Variants in NRN1 observed in about 807,000 individuals in gnomAD.
NRN1 encodes neuritin.
A neutral mutation model predicts 15.0 loss-of-function variants in NRN1; 4 were observed. That is an observed-to-expected ratio of 0.27 (90% confidence interval 0.13 to 0.61). The LOEUF (loss-of-function observed/expected upper bound fraction) is 0.61, where lower values mean the gene tolerates loss of function less well. Ranked by LOEUF, NRN1 falls within the 20% of genes least tolerant of loss-of-function variation. The probability of loss-of-function intolerance (pLI) is 0.87; values close to 1 mark genes in which losing one functional copy is unlikely to be tolerated. For missense variants in NRN1, 134 were observed against 181.9 expected (o/e 0.74, Z 1.51); for synonymous variants, 85 against 79.8 (o/e 1.07, Z -0.35).
rs1238464019 is a variant in NRN1, at chr6:6,002,412, G to A, written c.141C>T (p.Asp47=). 2 of 1,614,118 alleles carry A rather than the reference G, an allele frequency of 1.2e-6. No individual in the cohort carries two copies. The highest frequency in any genetic ancestry group is 1.3e-5 in the African/African-American group (1 of 74,948). ...GGCCCTGCGGGTAGTTGGCCATGCT[G>A]TCGCCCAGCTTGAGCAAACAGTCCG... The part of the protein sequence containing the change: ...GFSDCLLKLG[D]SMANYPQGLD... The change falls in exon 2 of 3, where the codon GAC becomes GAT. Residue 47 remains aspartate, a synonymous_variant. Coordinates refer to ENST00000244766, the MANE Select transcript of NRN1 (RefSeq NM_016588.3).
In NRN1 at chr6:6,006,733, T is replaced by C; in HGVS notation, c.17A>G (p.Asn6Ser). Residue 6 changes from asparagine (N) to serine (S), a missense_variant, in exon 1 of 3, where the codon AAC (asparagine) becomes AGC (serine). By Grantham distance (46) the Asn-to-Ser change is conservative. Coordinates refer to ENST00000244766, the MANE Select transcript of NRN1 (RefSeq NM_016588.3). MGLKL[N>S]GRYISLILAV... Reference sequence around the variant, plus strand: ...GAGGATCAGTGAAATATATCTGCCGTTCAACTTAAGTCCCATCCTACGTTT... The same window carrying C: ...GAGGATCAGTGAAATATATCTGCCGCTCAACTTAAGTCCCATCCTACGTTT... 1 of 1,614,100 alleles carries C rather than the reference T, an allele frequency of 6.2e-7. No individual in the cohort carries two copies. The highest frequency in any genetic ancestry group is 8.5e-7 in the Non-Finnish European group (1 of 1,179,976).
chr6:6,003,138 G>T, intron 1 of NRN1: 2 of 1,168,092 alleles, frequency 1.7e-6, no homozygotes, highest in Non-Finnish European at 2.2e-6. Context: ...TTACCGAAAT[G>T]GATTGTTTCA....
chr6:6,003,649 C>T, intron 1 of NRN1: 3 of 1,165,124 alleles, frequency 2.6e-6, no homozygotes, highest in Non-Finnish European at 3.2e-6. Flanking sequence ...AGCCCCCAAG[C>T]CCCCGGCCTC....
Position 6,002,196 on chromosome 6 carries a change from T to A in NRN1, c.200+157A>T, listed in dbSNP as rs530474105. Among the ~76,000 whole-genome samples, 63 of 152,330 alleles carry A rather than the reference T, an allele frequency of 4.1e-4. No homozygotes were observed. The East Asian group carries it at 0.012, about 28-fold the overall frequency. ...AAGCGCAGGTTCTAACCCGGGGGCC[T>A]GGTCCTAGGCCTGGGGGTTGGAGCC... On this transcript the variant is annotated intron_variant, in intron 2 of 2. Transcript: ENST00000244766.
upstream of NRN1, among the ~76,000 whole-genome samples, chr6:6,007,143 C>G (rs1276822781): frequency 6.6e-6 from 1 of 152,066 alleles, no homozygotes; most frequent in Non-Finnish European, 1.5e-5. Context: ...TCAGATATCT[C>G]CAATTAATGT....
At chr6:6,000,796 G>T (rs928706789) in intron 2 of NRN1, among the ~76,000 whole-genome samples, 3 of 138,260 alleles carry the variant, frequency 2.2e-5, no homozygotes, top group Non-Finnish European at 4.6e-5. Flanking sequence ...GGTAGAGAAG[G>T]ATAGACTCCA....
At chr6:6,005,219 A>G (rs1314185825) in intron 1 of NRN1, among the ~76,000 whole-genome samples, 1 of 152,136 alleles carries the variant, frequency 6.6e-6, no homozygotes. Context: ...CTATCTCAAA[A>G]ACAACTCTCT....
At chr6:6,005,365 C>A (rs1400992238) in intron 1 of NRN1, among the ~76,000 whole-genome samples, 1 of 152,166 alleles carries the variant, frequency 6.6e-6, no homozygotes, top group African/African-American at 2.4e-5. Flanking sequence ...TCAAAACAAC[C>A]AGATTTAAAG....
chr6:6,006,613 C>G (rs1758116434), intron 1 of NRN1, 82 bp downstream of exon 1: 2 of 1,393,384 alleles, frequency 1.4e-6, no homozygotes, highest in East Asian at 4.6e-5. Context: ...CGGCCGCGGA[C>G]CCGCTAGTCC....
At chr6:6,002,231 G>C in intron 2 of NRN1, 122 bp downstream of exon 2, 1 of 1,290,420 alleles carries the variant, frequency 7.7e-7, no homozygotes. Flanking sequence ...CAGAAGGCAA[G>C]AGTGAGCCGA....
At chr6:6,006,596 C>G in intron 1 of NRN1, 99 bp downstream of exon 1, 2 of 1,155,840 alleles carry the variant, frequency 1.7e-6, no homozygotes, top group Non-Finnish European at 1.3e-6. Flanking sequence ...TTCTCCGCAC[C>G]CTGGGGCGGC....
At chr6:5,999,420 T>G (rs913114449) in intron 2 of NRN1, among the ~76,000 whole-genome samples, 1 of 151,780 alleles carries the variant, frequency 6.6e-6, no homozygotes, top group Non-Finnish European at 1.5e-5. Flanking sequence ...AAAGCGGGGG[T>G]GGGGGGGCGC....
At chr6:6,003,675 C>T in intron 1 of NRN1, 2 of 1,231,756 alleles carry the variant, frequency 1.6e-6, no homozygotes, top group Non-Finnish European at 2.0e-6. Flanking sequence ...GGCCAAACCC[C>T]GAGGCGCGGG....
intron 1 of NRN1, chr6:6,002,698 T>A: frequency 1.4e-6 from 1 of 696,380 alleles, no homozygotes; most frequent in Non-Finnish European, 2.3e-6. Flanking sequence ...ACGCTGCGTC[T>A]AGTGCAAATT....
chr6:6,006,610 G>A, intron 1 of NRN1, 85 bp downstream of exon 1: 2 of 1,360,238 alleles, frequency 1.5e-6, no homozygotes, highest in Non-Finnish European at 2.1e-6. Flanking sequence ...GGGCGGCCGC[G>A]GACCCGCTAG....
intron 1 of NRN1, chr6:6,003,217 C>T (rs2151033395): frequency 8.1e-7 from 1 of 1,234,474 alleles, no homozygotes; most frequent in East Asian, 3.2e-5. Flanking sequence ...CCTCTCCCGC[C>T]CCGCTGGAAA....
chr6:6,006,766 C>A lies in NRN1; in HGVS notation c.-17G>T, dbSNP rs1758121705. 1 of 1,613,514 alleles carries A rather than the reference C, an allele frequency of 6.2e-7. No homozygotes were observed. Among genetic ancestry groups the A allele is most frequent in the Non-Finnish European group, 8.5e-7 (1 of 1,179,456 alleles). On this transcript the variant is annotated 5_prime_UTR_variant, in exon 1 of 3. Transcript: ENST00000244766. ...AAGTCCCATCCTACGTTTAGTCAAA[C>A]CATTTGCGACCGCAGACCTTTAAAT... is the stretch of plus-strand genomic sequence containing the variant.
chr6:6,003,152 T>A (rs927596071), intron 1 of NRN1: 1 of 1,215,804 alleles, frequency 8.2e-7, no homozygotes, highest in African/African-American at 1.6e-5. Context: ...TGTTTCATTA[T>A]AAAACCGATT....
In NRN1 at chr6:6,002,141, TCCCA is replaced by T. The variant is rs1757965546; in HGVS notation, c.200+208_200+211del. ...CTATATTGAAGGATCCTCCTCCATA[TCCCA>T]CCCCGGGCTGTGGGATCCCCTTGGG... is the stretch of plus-strand genomic sequence containing the variant. On this transcript the variant is annotated intron_variant, in intron 2 of 2. Transcript: ENST00000244766. Among the ~76,000 whole-genome samples the T allele has an allele frequency of 3.3e-5, 5 of 152,192 alleles. 1 individual carries two copies. The South Asian group carries it at 1.0e-3, about 31-fold the overall frequency.
Sources: gnomAD v4.1 joint callset for allele counts (sites outside exome capture counted in the v4.1 genomes callset) on GRCh38, gnomAD v4.1.1 for gene constraint, MANE v1.5 for transcripts, NCBI Gene and HGNC (gene_info 2026-07-23, HGNC 2026-07-21) for gene names.